The following NRXN3 variants were observed in gnomAD, a reference collection of about 807,000 sequenced individuals.
NRXN3 encodes the protein neurexin 3, also known as neurexin III.
In NRXN3, 32 loss-of-function variants were observed where a neutral mutation model predicts 137.6. The ratio of observed to expected loss-of-function variants is 0.23; its 90% confidence interval spans 0.18 to 0.31. The LOEUF (loss-of-function observed/expected upper bound fraction) is 0.31. Among genes scored for constraint, NRXN3 ranks in the 10% least tolerant of loss-of-function variants. NRXN3 has a pLI of 1.00. For synonymous variants in NRXN3, 798 were observed against 784.5 expected (o/e 1.02, Z -0.29); for missense variants, 1,574 against 2,062.5 (o/e 0.76, Z 4.59).
intron 15 of NRXN3, among the ~76,000 whole-genome samples, chr14:79,171,580 G>A (rs2061783608): frequency 6.6e-6 from 1 of 152,048 alleles, no homozygotes; most frequent in Non-Finnish European, 1.5e-5. Flanking sequence ...TTGGAATGCA[G>A]GGAAAAAAAT....
At chr14:78,850,347 T>G (rs1178589771) in intron 10 of NRXN3, among the ~76,000 whole-genome samples, 3 of 152,158 alleles carry the variant, frequency 2.0e-5, no homozygotes, top group Non-Finnish European at 4.4e-5. Context: ...TTTACCAAGT[T>G]AGTATTCTCT....
chr14:78,957,321 A>G lies in NRXN3; in HGVS notation c.2355A>G (p.Gly785=). 5 of 1,614,068 alleles carry G rather than the reference A, an allele frequency of 3.1e-6. No individual in the cohort carries two copies. Among genetic ancestry groups the G allele is most frequent in the Non-Finnish European group, 4.2e-6 (5 of 1,179,968 alleles). Residue 785 remains glycine, a synonymous_variant, in exon 11 of 21, where the codon GGA becomes GGG. Transcript: ENST00000335750. ...EWHTVRVVRR[G]KSLKLTVDDD... is the part of the protein sequence containing the mutation. ...ACACCGTTCGGGTGGTGCGGAGAGGAAAAAGCCTTAAGTTAACCGTGGATG... is the reference window on the plus strand; with the variant it reads ...ACACCGTTCGGGTGGTGCGGAGAGGGAAAAGCCTTAAGTTAACCGTGGATG...
chr14:79,659,988 A>C (rs1480425816), intron 16 of NRXN3, among the ~76,000 whole-genome samples: 1 of 152,154 alleles, frequency 6.6e-6, no homozygotes, highest in Non-Finnish European at 1.5e-5. Context: ...ATATTATATC[A>C]TCCTTACAAC....
intron 16 of NRXN3, among the ~76,000 whole-genome samples, chr14:79,482,313 A>G (rs1027888588): frequency 6.6e-6 from 1 of 152,270 alleles, no homozygotes; most frequent in East Asian, 1.9e-4. Flanking sequence ...GGTCTCTTTC[A>G]CTGTCATAAT....
chr14:79,835,706 A>G (rs1445401171), intron 20 of NRXN3, among the ~76,000 whole-genome samples: 3 of 152,234 alleles, frequency 2.0e-5, no homozygotes, highest in Non-Finnish European at 4.4e-5. Flanking sequence ...GGAAAGCAAC[A>G]TAATTATTCA....
At chr14:79,079,619 A>C (rs1230667410) in intron 15 of NRXN3, among the ~76,000 whole-genome samples, 10 of 152,184 alleles carry the variant, frequency 6.6e-5, no homozygotes, top group Admixed American at 6.6e-4. Flanking sequence ...TCCAAAAAAG[A>C]ATAATAGATT....
At chr14:79,250,306 A>T (rs1397017410) in intron 15 of NRXN3, among the ~76,000 whole-genome samples, 2 of 152,288 alleles carry the variant, frequency 1.3e-5, no homozygotes, top group East Asian at 3.9e-4. Context: ...TGGGAACATG[A>T]AAGGTAGAGT....
chr14:79,462,359 G>A (rs2153605248), intron 15 of NRXN3, among the ~76,000 whole-genome samples: 1 of 151,656 alleles, frequency 6.6e-6, no homozygotes, highest in Admixed American at 6.6e-5. Flanking sequence ...GGTGACAAGA[G>A]CAAAACTCCA....
At chr14:78,339,150 G>T (rs539250744) in intron 4 of NRXN3, among the ~76,000 whole-genome samples, 6 of 152,330 alleles carry the variant, frequency 3.9e-5, no homozygotes, top group African/African-American at 1.2e-4. Flanking sequence ...TGACACCTTA[G>T]TTGGAGAAGC....
At chr14:79,271,034 C>T (rs2079209038) in intron 15 of NRXN3, among the ~76,000 whole-genome samples, 1 of 152,168 alleles carries the variant, frequency 6.6e-6, no homozygotes, top group South Asian at 2.1e-4. Context: ...TACATAGCAT[C>T]AAGAGGAAAG....
intron 15 of NRXN3, among the ~76,000 whole-genome samples, chr14:79,456,167 A>G (rs1567175932): frequency 6.6e-6 from 1 of 152,246 alleles, no homozygotes; most frequent in Non-Finnish European, 1.5e-5. Flanking sequence ...TTTGTCAACA[A>G]GAATATTATC....
chr14:79,257,347 T>TG (rs2076717248), intron 15 of NRXN3, among the ~76,000 whole-genome samples: 1 of 70,492 alleles, frequency 1.4e-5, no homozygotes, highest in Non-Finnish European at 2.8e-5. Context: ...TTATTCCTGG[T>TG]GGTGGTGGTG....
At chr14:79,729,728 G>T (rs1568034475) in intron 19 of NRXN3, among the ~76,000 whole-genome samples, 1 of 152,168 alleles carries the variant, frequency 6.6e-6, no homozygotes, top group African/African-American at 2.4e-5. Flanking sequence ...CCAGGCAGTA[G>T]GCACAGTGAT....
intron 10 of NRXN3, among the ~76,000 whole-genome samples, chr14:78,815,354 A>G (rs12878450): frequency 6.6e-6 from 1 of 152,190 alleles, no homozygotes; most frequent in Non-Finnish European, 1.5e-5. Flanking sequence ...ATAGAGGTGC[A>G]CAGTAATCTC....
chr14:79,845,121 C>A (rs907119888), intron 20 of NRXN3, among the ~76,000 whole-genome samples: 1 of 152,270 alleles, frequency 6.6e-6, no homozygotes, highest in Non-Finnish European at 1.5e-5. Flanking sequence ...CCTCACCTGC[C>A]TCAGCCTTCA....
intron 16 of NRXN3, among the ~76,000 whole-genome samples, chr14:79,624,172 A>T (rs1044898808): frequency 1.3e-5 from 2 of 152,208 alleles, no homozygotes; most frequent in Admixed American, 6.5e-5. Context: ...ACTGATCGAG[A>T]TTAAAAATTC....
intron 4 of NRXN3, among the ~76,000 whole-genome samples, chr14:78,302,198 C>T (rs2076941255): frequency 6.6e-6 from 1 of 152,084 alleles, no homozygotes; most frequent in Admixed American, 6.5e-5. Flanking sequence ...TTTCCCTAAT[C>T]CCCTACAACA....
rs3032366 is a variant in NRXN3 at position 78,550,030 on chromosome 14, C to CT, written c.758-95069dup. On this transcript the variant is annotated intron_variant, in intron 4 of 20. Coordinates refer to ENST00000335750, the MANE Select transcript of NRXN3 (RefSeq NM_001330195.2). Reference sequence around the variant, plus strand: ...GAGGAGACAAATCTGATTCTGCAAACTTTTTTTTTTTTTTTTTTTTTGAGA... The same window carrying CT: ...GAGGAGACAAATCTGATTCTGCAAACTTTTTTTTTTTTTTTTTTTTTTGAGA... 2.0e-3 allele frequency among the ~76,000 whole-genome samples: 230 copies of CT among 117,064 alleles called. 1 individual carries two copies. The highest frequency in any genetic ancestry group is 1.9e-3 in the Non-Finnish European group (108 of 56,780). 76.8% of individuals were successfully genotyped at this position (117,064 alleles called of 152,430 possible).
rs140419864 is a variant in NRXN3 at position 79,275,806 on chromosome 14, T to A, written c.3263-191415T>A. Among the ~76,000 whole-genome samples, 72 of 151,482 alleles carry A rather than the reference T, an allele frequency of 4.8e-4. 1 individual carries two copies. Among genetic ancestry groups the A allele is most frequent in the African/African-American group, 1.7e-3 (69 of 41,228 alleles). ...TCTAAAGCCTGAAGTAATATAGGGG[T>A]TTTTTAAAATTGTATTCCATTTAGA... On this transcript the variant is annotated intron_variant, in intron 15 of 20. Coordinates refer to ENST00000335750, the MANE Select transcript of NRXN3 (RefSeq NM_001330195.2).
Sources: gnomAD v4.1 joint callset for allele counts (sites outside exome capture counted in the v4.1 genomes callset) on GRCh38, gnomAD v4.1.1 for gene constraint, MANE v1.5 for transcripts, NCBI Gene and HGNC (gene_info 2026-07-23, HGNC 2026-07-21) for gene names.